The following NR2C2 variants were observed in gnomAD, a reference collection of about 807,000 sequenced individuals.
NR2C2 encodes Nuclear hormone receptor TR4.
A neutral mutation model predicts 62.9 loss-of-function variants in NR2C2; 6 were observed. The ratio of observed to expected loss-of-function variants is 0.10; its 90% CI spans 0.05 to 0.19. The LOEUF (loss-of-function observed/expected upper bound fraction) is 0.19, where lower values mean the gene tolerates loss of function less well. Among genes scored for constraint, NR2C2 ranks in the 10% least tolerant of loss-of-function variants. NR2C2 has a pLI of 1.00. For synonymous variants in NR2C2, 272 were observed against 273.8 expected (o/e 0.99, Z 0.07); for missense variants, 479 against 762.7 (o/e 0.63, Z 4.38).
Position 15,039,104 on chromosome 3 carries a change from GT to G in NR2C2, c.1511-17del, listed in dbSNP as rs1559311592. On this transcript the variant is annotated splice_polypyrimidine_tract_variant and intron_variant, in intron 12 of 13. Coordinates refer to ENST00000425241, the MANE Select transcript of NR2C2 (RefSeq NM_001291694.2). ...CAAATACAGAGGGAACTGGGGGGGGGTACTTTTCTGTTTTCAGATCATCCAG... is the reference window on the plus strand; with the variant it reads ...CAAATACAGAGGGAACTGGGGGGGGGACTTTTCTGTTTTCAGATCATCCAG... The G allele has an allele frequency of 1.9e-6, 3 of 1,572,852 alleles. No individual in the cohort carries two copies. Among genetic ancestry groups the G allele is most frequent in the Admixed American group, 3.3e-5 (2 of 59,742 alleles).
intron 1 of NR2C2, among the ~76,000 whole-genome samples, chr3:14,985,474 T>C (rs2040489724): frequency 1.3e-5 from 2 of 152,162 alleles, no homozygotes; most frequent in African/African-American, 2.4e-5. Context: ...ATCTGATCTT[T>C]ATGATACTGA....
intron 10 of NR2C2, among the ~76,000 whole-genome samples, chr3:15,033,829 C>G (rs564727647): frequency 6.6e-6 from 1 of 151,992 alleles, no homozygotes; most frequent in Admixed American, 6.6e-5. Flanking sequence ...AATGTGCTAC[C>G]ACATTTAAAG....
intron 1 of NR2C2, among the ~76,000 whole-genome samples, chr3:14,991,120 C>G (rs772811697): frequency 6.6e-6 from 1 of 152,112 alleles, no homozygotes; most frequent in African/African-American, 2.4e-5. Context: ...TTTAAAATCT[C>G]TATTGCCAAC....
At chr3:14,953,176 A>G (rs184171323) in intron 1 of NR2C2, among the ~76,000 whole-genome samples, 23 of 152,282 alleles carry the variant, frequency 1.5e-4, no homozygotes, top group African/African-American at 5.3e-4. Context: ...CTCAGAGGCA[A>G]GTGTGATTTT....
chr3:15,023,143 G>C, intron 5 of NR2C2, 57 bp from the exon 6 acceptor site: 1 of 1,589,844 alleles, frequency 6.3e-7, no homozygotes, highest in Non-Finnish European at 8.6e-7. Context: ...TTTCCCTTGT[G>C]GTTTTTATTG....
intron 9 of NR2C2, among the ~76,000 whole-genome samples, chr3:15,031,006 T>G (rs1189122543): frequency 1.3e-5 from 2 of 152,200 alleles, no homozygotes; most frequent in Non-Finnish European, 2.9e-5. Flanking sequence ...GAAGCAGGCG[T>G]GGCCCATCAT....
At position 15,041,720 on chromosome 3, in the gene NR2C2, G is replaced by A. The variant is rs576944982; in HGVS notation, c.1617-1114G>A. ...AAAAAATGAAAAATTAGTCAGGTGCGGTGGTGTGCACCTGTAGTCCCAGTT... is the reference window on the plus strand; with the variant it reads ...AAAAAATGAAAAATTAGTCAGGTGCAGTGGTGTGCACCTGTAGTCCCAGTT... On this transcript the variant is annotated intron_variant, in intron 13 of 13. Coordinates refer to ENST00000425241, the MANE Select transcript of NR2C2 (RefSeq NM_001291694.2). 1.2e-4 allele frequency among the ~76,000 whole-genome samples: 19 copies of A among 152,142 alleles called. No homozygotes were observed. The South Asian group carries it at 1.9e-3, about 15-fold the overall frequency.
intron 1 of NR2C2, among the ~76,000 whole-genome samples, chr3:14,953,962 A>G (rs1239620735): frequency 2.0e-5 from 3 of 151,592 alleles, no homozygotes; most frequent in South Asian, 2.1e-4. Flanking sequence ...AGCGGGCTTC[A>G]TGCTGCATTT....
At chr3:15,005,402 G>T (rs1307244366) in intron 2 of NR2C2, among the ~76,000 whole-genome samples, 1 of 144,458 alleles carries the variant, frequency 6.9e-6, no homozygotes, top group African/African-American at 2.6e-5. Context: ...TTATAAATAG[G>T]GATGGGGTTT....
At position 15,047,339 on chromosome 3, in the gene NR2C2, C is replaced by T. The variant is rs2042492169; in HGVS notation, c.*4331C>T. The T allele has an allele frequency of 6.6e-6, 1 of 152,214 alleles. No homozygotes were observed. Among genetic ancestry groups the T allele is most frequent in the African/African-American group, 2.4e-5 (1 of 41,462 alleles). 9.4% of individuals were successfully genotyped at this position (152,214 alleles called of 1,614,324 possible). Reference sequence around the variant, plus strand: ...GGAAGAATTCCAGGCAGAAGAGGTTCTGACAGGGTGACATTTCCGTATATT... The same window carrying T: ...GGAAGAATTCCAGGCAGAAGAGGTTTTGACAGGGTGACATTTCCGTATATT... On this transcript the variant is annotated 3_prime_UTR_variant, in exon 14 of 14. Coordinates refer to ENST00000425241, the MANE Select transcript of NR2C2 (RefSeq NM_001291694.2).
chr3:14,980,115 G>A (rs2125324289), intron 1 of NR2C2, among the ~76,000 whole-genome samples: 1 of 151,994 alleles, frequency 6.6e-6, no homozygotes. Flanking sequence ...ATACCTCATG[G>A]GCTGAGTTGT....
At chr3:14,972,529 C>G (rs1461135481) in intron 1 of NR2C2, among the ~76,000 whole-genome samples, 1 of 152,160 alleles carries the variant, frequency 6.6e-6, no homozygotes, top group Non-Finnish European at 1.5e-5. Flanking sequence ...AATGTCTATT[C>G]AAGTACTTTC....
intron 9 of NR2C2, among the ~76,000 whole-genome samples, chr3:15,031,148 A>AT (rs1056250017): frequency 6.6e-6 from 1 of 152,104 alleles, no homozygotes; most frequent in Admixed American, 6.5e-5. Flanking sequence ...AGAAACCCTC[A>AT]TATAAAATCT....
intron 1 of NR2C2, among the ~76,000 whole-genome samples, chr3:14,999,495 C>G (rs547036518): frequency 1.3e-5 from 2 of 151,410 alleles, no homozygotes; most frequent in Non-Finnish European, 2.9e-5. Context: ...CTTGTCCCCC[C>G]CAAAAAAAAA....
chr3:14,953,054 G>A (rs2039416160), intron 1 of NR2C2, among the ~76,000 whole-genome samples: 1 of 152,206 alleles, frequency 6.6e-6, no homozygotes, highest in African/African-American at 2.4e-5. Flanking sequence ...TAGAATAGAA[G>A]GATGGGAGGT....
rs1195243557 is a variant in NR2C2, at chr3:15,042,975, G to C, written c.1758G>C (p.Glu586Asp). The stretch of plus-strand genomic sequence containing the variant: ...ACATCCTCAAGATGGAGACAGCAGA[G>C]TATAATGGCCAGATCACCGGAGCCA... ...IPYILKMETA[E>D]YNGQITGASL is the part of the protein sequence containing the mutation. Residue 586 changes from glutamate to aspartate, a missense_variant, in exon 14 of 14, where the codon GAG becomes GAC. By Grantham distance (45) the Glu-to-Asp change is conservative (BLOSUM62 2). Coordinates refer to ENST00000425241, the MANE Select transcript of NR2C2 (RefSeq NM_001291694.2). The C allele has an allele frequency of 6.2e-7, 1 of 1,614,062 alleles. No homozygotes were observed. The highest frequency in any genetic ancestry group is 8.5e-7 in the Non-Finnish European group (1 of 1,180,032).
At chr3:15,032,752 G>A (rs1317274565) in intron 10 of NR2C2, among the ~76,000 whole-genome samples, 1 of 152,144 alleles carries the variant, frequency 6.6e-6, no homozygotes, top group Non-Finnish European at 1.5e-5. Flanking sequence ...GCTGGGGATG[G>A]AGAAGAATGT....
chr3:15,041,066 G>T lies in NR2C2; in HGVS notation c.1617-1768G>T, dbSNP rs148481529. On this transcript the variant is annotated intron_variant, in intron 13 of 13. Transcript: ENST00000425241. ...CAGTCAGGGACCCAGGGTTGGGTAG[G>T]GTGACGACAGGTTACTTGGAGCCCA... 3.9e-5 allele frequency among the ~76,000 whole-genome samples: 6 copies of T among 152,258 alleles called. No individual in the cohort carries two copies. In the East Asian group the frequency reaches 1.2e-3, roughly 29 times the overall value.
At position 15,037,523 on chromosome 3, in the gene NR2C2, C is replaced by T. The variant is rs148531516; in HGVS notation, c.1373-477C>T. Reference sequence around the variant, plus strand: ...CCTCAGGATGCTAAGGTGGGAGGATCACTTGAGCTTATGAATTCAAGTTCA... The same window carrying T: ...CCTCAGGATGCTAAGGTGGGAGGATTACTTGAGCTTATGAATTCAAGTTCA... On this transcript the variant is annotated intron_variant, in intron 11 of 13. Transcript: ENST00000425241. Among the ~76,000 whole-genome samples the T allele has an allele frequency of 4.5e-3, 682 of 152,204 alleles. 3 individuals carry two copies. Among genetic ancestry groups the T allele is most frequent in the African/African-American group, 0.015 (639 of 41,522 alleles).
Sources: gnomAD v4.1 joint callset for allele counts (sites outside exome capture counted in the v4.1 genomes callset) on GRCh38, gnomAD v4.1.1 for gene constraint, MANE v1.5 for transcripts, NCBI Gene and HGNC (gene_info 2026-07-23, HGNC 2026-07-21) for gene names.